Variants in RBFOX1 observed in about 807,000 individuals in gnomAD.
RBFOX1 encodes RNA binding protein fox-1 homolog 1.
Under a neutral mutation model 57.7 loss-of-function variants are expected in RBFOX1, and 8 were observed. The ratio of observed to expected loss-of-function variants is 0.14; its 90% CI spans 0.08 to 0.25. The LOEUF (loss-of-function observed/expected upper bound fraction) is 0.25. Among genes scored for constraint, RBFOX1 ranks in the 10% least tolerant of loss-of-function variants. RBFOX1 has a pLI of 1.00. For missense variants in RBFOX1, 611 were observed against 548.5 expected, an observed-to-expected ratio of 1.11 and a Z score of -1.14; for synonymous variants, 326 against 222.4, an observed-to-expected ratio of 1.47 and a Z score of -4.15.
intron 2 of RBFOX1, among the ~76,000 whole-genome samples, chr16:5,537,262 C>G (rs1029723132): frequency 2.0e-5 from 3 of 152,142 alleles, no homozygotes; most frequent in South Asian, 2.1e-4. Context: ...TCTCAGAATT[C>G]TTTTAGTTTC....
At chr16:6,300,326 A>G (rs1366658785) in intron 1 of RBFOX1, among the ~76,000 whole-genome samples, 1 of 152,222 alleles carries the variant, frequency 6.6e-6, no homozygotes, top group South Asian at 2.1e-4. Flanking sequence ...GTACGTTTTA[A>G]GTGTTCTCAC....
chr16:5,662,141 AT>A (rs1567363360), intron 3 of RBFOX1, among the ~76,000 whole-genome samples: 2 of 152,108 alleles, frequency 1.3e-5, no homozygotes, highest in African/African-American at 2.4e-5. Context: ...ACATCTTTCC[AT>A]TTTCCCCTTT....
intron 2 of RBFOX1, among the ~76,000 whole-genome samples, chr16:5,498,030 G>C (rs977706507): frequency 6.6e-6 from 1 of 152,194 alleles, no homozygotes; most frequent in African/African-American, 2.4e-5. Context: ...TTTCAAGGAA[G>C]AGAGAAGATT....
intron 13 of RBFOX1, among the ~76,000 whole-genome samples, chr16:7,669,275 A>AAGAC (rs1235472424): frequency 6.7e-6 from 1 of 149,322 alleles, no homozygotes; most frequent in African/African-American, 2.6e-5. Context: ...TAACTGAACC[A>AAGAC]AGACATCTGT....
chr16:6,517,244 A>T (rs1337462703), intron 2 of RBFOX1, among the ~76,000 whole-genome samples: 2 of 152,108 alleles, frequency 1.3e-5, no homozygotes, highest in Admixed American at 6.5e-5. Flanking sequence ...AACAGCTCGC[A>T]TTTTGACATC....
At chr16:5,960,943 G>C (rs2059735518) in intron 4 of RBFOX1, among the ~76,000 whole-genome samples, 2 of 152,236 alleles carry the variant, frequency 1.3e-5, no homozygotes, top group African/African-American at 4.8e-5. Flanking sequence ...GTGGTCAAAG[G>C]CTCCCTCCCA....
chr16:6,213,300 G>A (rs1171137654), intron 1 of RBFOX1, among the ~76,000 whole-genome samples: 4 of 152,004 alleles, frequency 2.6e-5, no homozygotes, highest in Admixed American at 2.6e-4. Context: ...GCTTCATTGA[G>A]GTATCAGCTC....
At chr16:6,375,802 C>G (rs889739633) in intron 2 of RBFOX1, among the ~76,000 whole-genome samples, 1 of 152,130 alleles carries the variant, frequency 6.6e-6, no homozygotes, top group Non-Finnish European at 1.5e-5. Flanking sequence ...CCATGATGAA[C>G]AGGCATTTCC....
intron 3 of RBFOX1, among the ~76,000 whole-genome samples, chr16:7,003,335 T>G (rs1296016002): frequency 3.3e-5 from 5 of 151,812 alleles, no homozygotes; most frequent in Non-Finnish European, 5.9e-5. Flanking sequence ...TGGTGAGCAC[T>G]TGTAGTCCCA....
chr16:5,822,338 G>A (rs1318794912), intron 3 of RBFOX1, among the ~76,000 whole-genome samples: 1 of 152,188 alleles, frequency 6.6e-6, no homozygotes, highest in Admixed American at 6.6e-5. Flanking sequence ...AGTGTTTACT[G>A]CTTGGGTGGT....
At chr16:7,169,873 C>G (rs965134504) in intron 4 of RBFOX1, among the ~76,000 whole-genome samples, 2 of 152,036 alleles carry the variant, frequency 1.3e-5, no homozygotes, top group African/African-American at 2.4e-5. Context: ...GAGTTCAAGA[C>G]CTGCCCTGGC....
chr16:7,487,880 C>A (rs944465237), intron 4 of RBFOX1, among the ~76,000 whole-genome samples: 2 of 152,242 alleles, frequency 1.3e-5, no homozygotes, highest in Admixed American at 6.5e-5. Flanking sequence ...CAGTCAATCT[C>A]AATTCCAAGG....
intron 3 of RBFOX1, among the ~76,000 whole-genome samples, chr16:7,041,555 C>A (rs1022225654): frequency 4.6e-5 from 7 of 152,108 alleles, no homozygotes; most frequent in Non-Finnish European, 1.0e-4. Context: ...TCCTAGAATA[C>A]TAACCATTGA....
intron 2 of RBFOX1, among the ~76,000 whole-genome samples, chr16:6,483,014 G>C (rs942207092): frequency 6.6e-6 from 1 of 152,234 alleles, no homozygotes; most frequent in African/African-American, 2.4e-5. Context: ...ACAAGGGAAG[G>C]GACACGTGCG....
At position 7,711,863 on chromosome 16, in the gene RBFOX1, C is replaced by T. The variant is rs1458084869; in HGVS notation, c.*1118C>T. On this transcript the variant is annotated 3_prime_UTR_variant, in exon 16 of 16. Transcript: ENST00000550418. The stretch of plus-strand genomic sequence containing the variant: ...GTAGAGATAATCATGGTATTTTCAT[C>T]AGCTTGGTACTTTTTGAAACGTGAC... 2 of 152,514 alleles carry T rather than the reference C, an allele frequency of 1.3e-5. No homozygotes were observed. The highest frequency in any genetic ancestry group is 4.8e-5 in the African/African-American group (2 of 41,422). The allele number at this position is 152,514 out of a possible 1,614,324, so 9.4% of individuals were successfully genotyped here.
chr16:5,493,186 G>A (rs1175851051), intron 2 of RBFOX1, among the ~76,000 whole-genome samples: 1 of 152,160 alleles, frequency 6.6e-6, no homozygotes, highest in Non-Finnish European at 1.5e-5. Context: ...CGAAGACATA[G>A]CTTTCATTTT....
intron 3 of RBFOX1, among the ~76,000 whole-genome samples, chr16:6,896,447 C>G (rs552623950): frequency 1.3e-5 from 2 of 152,112 alleles, no homozygotes; most frequent in Non-Finnish European, 2.9e-5. Flanking sequence ...TGGTAACTAT[C>G]CTTCTACTGT....
At chr16:6,479,940 A>G (rs2095345685) in intron 2 of RBFOX1, among the ~76,000 whole-genome samples, 4 of 151,550 alleles carry the variant, frequency 2.6e-5, no homozygotes, top group Admixed American at 2.0e-4. Flanking sequence ...GATCTCAGCT[A>G]CTCGGGAGGC....
At chr16:5,272,619 A>T (rs2063042061) in intron 1 of RBFOX1, among the ~76,000 whole-genome samples, 1 of 152,210 alleles carries the variant, frequency 6.6e-6, no homozygotes. Flanking sequence ...TTCCGGGAGC[A>T]TACAACACTT....
Sources: allele counts gnomAD v4.1 joint callset (sites outside exome capture counted in the v4.1 genomes callset), GRCh38; gene constraint gnomAD v4.1.1; transcripts MANE v1.5; gene names NCBI Gene and HGNC (gene_info 2026-07-23, HGNC 2026-07-21).